BACE2: variants seen among roughly 807,000 people sequenced by gnomAD.
BACE2 encodes the protein beta-secretase 2, also known as 56 kDa aspartic-like protease.
In BACE2, 17 loss-of-function variants were observed where a neutral mutation model predicts 46.2. The ratio of observed to expected loss-of-function variants is 0.37; its 90% confidence interval spans 0.25 to 0.55. The LOEUF is 0.55. BACE2 is among the 20% of genes least tolerant of loss of function. BACE2 has a pLI of 0.82. For missense variants in BACE2, 595 were observed against 698.1 expected (o/e 0.85, Z 1.66); for synonymous variants, 277 against 295.9 (o/e 0.94, Z 0.66).
intron 8 of BACE2, among the ~76,000 whole-genome samples, chr21:41,268,126 A>T (rs1262070366): frequency 6.6e-6 from 1 of 152,262 alleles, no homozygotes; most frequent in African/African-American, 2.4e-5. Flanking sequence ...ATCTTAGCCC[A>T]GGACTGTACT....
chr21:41,168,994 G>GCCC (rs369583484), intron 1 of BACE2, among the ~76,000 whole-genome samples: 1 of 109,952 alleles, frequency 9.1e-6, no homozygotes, highest in African/African-American at 3.6e-5. Context: ...CCTCCCCCCC[G>GCCC]CCCCCCCCCC....
chr21:41,257,039 C>A, intron 7 of BACE2, 119 bp from the exon 8 acceptor site: 1 of 1,086,232 alleles, frequency 9.2e-7, no homozygotes, highest in Non-Finnish European at 1.3e-6. Flanking sequence ...CTTTCTTCTC[C>A]CGTGACTCCC....
rs147912030 is a variant in BACE2, at chr21:41,253,164, G to A, written c.1134+2263G>A. On this transcript the variant is annotated intron_variant, in intron 7 of 8. Transcript: ENST00000330333. ...TCTTTAAAATCATGTGCTCTTGGCC[G>A]GGCGCAGTGGCTCATGCCTGTAATC... Among the ~76,000 whole-genome samples the A allele has an allele frequency of 4.8e-3, 723 of 152,132 alleles. 13 individuals carry two copies. Among genetic ancestry groups the A allele is most frequent in the Admixed American group, 0.035 (538 of 15,292 alleles).
chr21:41,221,035 A>C (rs1320827044), intron 1 of BACE2, among the ~76,000 whole-genome samples: 1 of 134,552 alleles, frequency 7.4e-6, no homozygotes, highest in African/African-American at 3.2e-5. Context: ...TCTCAAAAAA[A>C]AAGTATATTA....
intron 1 of BACE2, among the ~76,000 whole-genome samples, chr21:41,217,604 G>A (rs905890427): frequency 7.9e-5 from 12 of 152,102 alleles, no homozygotes; most frequent in African/African-American, 2.9e-4. Context: ...GTTGAGCCTC[G>A]GTGCTTTCCA....
chr21:41,209,508 T>C (rs1258807239), intron 1 of BACE2, among the ~76,000 whole-genome samples: 1 of 152,220 alleles, frequency 6.6e-6, no homozygotes, highest in African/African-American at 2.4e-5. Context: ...CGTGCCTTTT[T>C]CTGCAGAGTG....
At chr21:41,242,441 GA>G (rs879874220) in intron 4 of BACE2, among the ~76,000 whole-genome samples, 8 of 152,110 alleles carry the variant, frequency 5.3e-5, no homozygotes, top group African/African-American at 1.9e-4. Flanking sequence ...GGAGGTGCTG[GA>G]GCCTGAGCTT....
chr21:41,275,307 T>C, intron 8 of BACE2, 64 bp from the exon 9 acceptor site: 1 of 1,604,286 alleles, frequency 6.2e-7, no homozygotes, highest in South Asian at 1.1e-5. Context: ...GTTCTGTCTG[T>C]GTCCAATGTG....
chr21:41,191,304 C>T (rs1985563203), intron 1 of BACE2, among the ~76,000 whole-genome samples: 1 of 152,294 alleles, frequency 6.6e-6, no homozygotes, highest in South Asian at 2.1e-4. Context: ...ATGGTGAGAC[C>T]AGTGCATTCC....
At position 41,168,188 on chromosome 21, in the gene BACE2, C is replaced by T; in HGVS notation, c.-76C>T. On this transcript the variant is annotated 5_prime_UTR_variant, in exon 1 of 9. Transcript: ENST00000330333. ...CCTGCCCGCAGCCCCGCGCGCCGGCCGAGTCGCTGAGCCGCGGCTGCCGGA... is the reference window on the plus strand; with the variant it reads ...CCTGCCCGCAGCCCCGCGCGCCGGCTGAGTCGCTGAGCCGCGGCTGCCGGA... The T allele has an allele frequency of 1.1e-6, 1 of 898,394 alleles. No individual in the cohort carries two copies. Among genetic ancestry groups the T allele is most frequent in the Non-Finnish European group, 1.4e-6 (1 of 734,412 alleles). The allele number at this position is 898,394 out of a possible 1,614,324, so 55.7% of individuals were successfully genotyped here. A position where few individuals can be genotyped will look rare whatever the true frequency, so the allele number is the denominator to read the frequency against.
At chr21:41,247,597 C>T (rs1987509344) in intron 6 of BACE2, among the ~76,000 whole-genome samples, 1 of 152,250 alleles carries the variant, frequency 6.6e-6, no homozygotes, top group South Asian at 2.1e-4. Context: ...GTGTTTGAAG[C>T]GCAGTGTGAA....
chr21:41,213,274 C>A (rs1212849261), intron 1 of BACE2, among the ~76,000 whole-genome samples: 1 of 152,166 alleles, frequency 6.6e-6, no homozygotes, highest in Admixed American at 6.5e-5. Flanking sequence ...AAAATCAGGG[C>A]ATGAGCTGTC....
chr21:41,257,392 G>A (rs1987821003), intron 8 of BACE2, 66 bp downstream of exon 8: 1 of 1,551,100 alleles, frequency 6.4e-7, no homozygotes, highest in East Asian at 2.3e-5. Context: ...TGCTGACTTG[G>A]AAGCAATTCT....
At position 41,238,781 on chromosome 21, in the gene BACE2, T is replaced by C. The variant is rs1463370564; in HGVS notation, c.618+1052T>C. ...GATCACATGGACACAGGAAGGGGAA[T>C]ATCACACTCTGGGGACTGTGGTGGG... On this transcript the variant is annotated intron_variant, in intron 3 of 8. Transcript: ENST00000330333. 5.1e-4 allele frequency among the ~76,000 whole-genome samples: 60 copies of C among 117,866 alleles called. 1 individual carries two copies. The highest frequency in any genetic ancestry group is 4.7e-3 in the Admixed American group (41 of 8,694). 77.3% of individuals were successfully genotyped at this position (117,866 alleles called of 152,430 possible).
At chr21:41,272,534 T>A (rs1052389492) in intron 8 of BACE2, among the ~76,000 whole-genome samples, 16 of 152,254 alleles carry the variant, frequency 1.1e-4, no homozygotes, top group East Asian at 5.8e-4. Flanking sequence ...TGGTTTTTTT[T>A]AAATTCATTA....
intron 7 of BACE2, among the ~76,000 whole-genome samples, chr21:41,255,258 A>C (rs1476498785): frequency 1.3e-5 from 2 of 152,190 alleles, no homozygotes; most frequent in East Asian, 3.9e-4. Flanking sequence ...ATGGTGGCCC[A>C]GGTCTGGGCT....
At chr21:41,265,233 A>G (rs569894869) in intron 8 of BACE2, among the ~76,000 whole-genome samples, 1 of 150,242 alleles carries the variant, frequency 6.7e-6, no homozygotes, top group East Asian at 2.0e-4. Context: ...TTATTTAACC[A>G]GTTCATTATT....
intron 8 of BACE2, among the ~76,000 whole-genome samples, chr21:41,269,215 A>G (rs2088411136): frequency 6.6e-6 from 1 of 152,072 alleles, no homozygotes; most frequent in South Asian, 2.1e-4. Context: ...CGGCCTCCCA[A>G]AGTGCTGGGA....
chr21:41,216,591 G>A (rs1986474486), intron 1 of BACE2, among the ~76,000 whole-genome samples: 1 of 152,228 alleles, frequency 6.6e-6, no homozygotes, highest in African/African-American at 2.4e-5. Context: ...GACCGGGTCT[G>A]GGCGTGTGAG....
Sources: allele counts gnomAD v4.1 joint callset (sites outside exome capture counted in the v4.1 genomes callset), GRCh38; gene constraint gnomAD v4.1.1; transcripts MANE v1.5; gene names NCBI Gene and HGNC (gene_info 2026-07-23, HGNC 2026-07-21).